Variants in ALG14 observed in about 807,000 individuals in gnomAD.
ALG14 encodes UDP-N-acetylglucosamine transferase subunit ALG14.
A neutral mutation model predicts 22.8 loss-of-function variants in ALG14; 17 were observed. That is an observed-to-expected ratio of 0.75 (90% CI 0.51 to 1.12). The LOEUF (loss-of-function observed/expected upper bound fraction) is 1.12, where lower values mean the gene tolerates loss of function less well. Ranked by LOEUF, ALG14 falls within the 50% of genes most tolerant of loss-of-function variation. The pLI, the probability that ALG14 is intolerant of heterozygous loss-of-function variation, is 0.00. For missense variants in ALG14, 288 were observed against 271.8 expected (o/e 1.06, Z -0.42); for synonymous variants, 89 against 103.7 (o/e 0.86, Z 0.86).
chr1:95,027,521 T>C (rs1673858285), intron 2 of ALG14, among the ~76,000 whole-genome samples: 2 of 152,208 alleles, frequency 1.3e-5, no homozygotes, highest in Admixed American at 1.3e-4. Context: ...TTCTATAAAC[T>C]ATGTTTCAGG....
At chr1:94,992,978 G>C (rs1230240665) in intron 3 of ALG14, among the ~76,000 whole-genome samples, 1 of 151,666 alleles carries the variant, frequency 6.6e-6, no homozygotes, top group Non-Finnish European at 1.5e-5. Context: ...TAAGGGTACT[G>C]TGTGGAACAA....
intron 2 of ALG14, among the ~76,000 whole-genome samples, chr1:95,043,043 T>C (rs1226330969): frequency 6.6e-6 from 1 of 152,226 alleles, no homozygotes; most frequent in East Asian, 1.9e-4. Flanking sequence ...AAAATTTTAA[T>C]AGCCAAGGGG....
intron 3 of ALG14, among the ~76,000 whole-genome samples, chr1:95,009,178 T>C (rs576371099): frequency 2.0e-5 from 3 of 151,796 alleles, no homozygotes; most frequent in East Asian, 1.9e-4. Flanking sequence ...AGGAGTAAAT[T>C]TGCTGGATCA....
At chr1:95,072,211 A>G (rs1430390288) in intron 1 of ALG14, among the ~76,000 whole-genome samples, 2 of 152,198 alleles carry the variant, frequency 1.3e-5, no homozygotes, top group East Asian at 3.8e-4. Context: ...ATGTGTATTT[A>G]AAATTGTAAG....
intron 3 of ALG14, 151 bp from the exon 4 acceptor site, chr1:94,983,457 A>T: frequency 1.5e-6 from 1 of 676,368 alleles, no homozygotes; most frequent in Non-Finnish European, 2.5e-6. Context: ...CAAACAGCGC[A>T]TGTTTAAGCC....
At chr1:95,070,984 G>T (rs142821484) in intron 1 of ALG14, among the ~76,000 whole-genome samples, 1 of 152,044 alleles carries the variant, frequency 6.6e-6, no homozygotes, top group South Asian at 2.1e-4. Flanking sequence ...CAAGCAATCC[G>T]CCTGTATCGG....
chr1:95,063,990 C>T (rs1209319548), intron 2 of ALG14, among the ~76,000 whole-genome samples: 2 of 151,972 alleles, frequency 1.3e-5, no homozygotes, highest in African/African-American at 4.8e-5. Context: ...TTGAAGAGGT[C>T]CTTCACTTCC....
At position 94,983,016 on chromosome 1, in the gene ALG14, C is replaced by T; in HGVS notation, c.*60G>A. Reference sequence around the variant, plus strand: ...AAGAAACATGTAGGGTTTTTTTCCCCCCAATTTGAGTACATACTACTGTTA... The same window carrying T: ...AAGAAACATGTAGGGTTTTTTTCCCTCCAATTTGAGTACATACTACTGTTA... On this transcript the variant is annotated 3_prime_UTR_variant, in exon 4 of 4. Coordinates refer to ENST00000370205, the MANE Select transcript of ALG14 (RefSeq NM_144988.4). The T allele has an allele frequency of 2.8e-6, 4 of 1,443,232 alleles. No homozygotes were observed. Among genetic ancestry groups the T allele is most frequent in the East Asian group, 2.3e-5 (1 of 43,908 alleles). 89.4% of individuals were successfully genotyped at this position (1,443,232 alleles called of 1,614,324 possible).
intron 2 of ALG14, among the ~76,000 whole-genome samples, chr1:95,055,535 AAGAG>A (rs201743892): frequency 6.6e-6 from 1 of 151,982 alleles, no homozygotes; most frequent in African/African-American, 2.4e-5. Flanking sequence ...CTAAACAATG[AAGAG>A]AGAGAGAGAT....
chr1:95,002,501 T>C (rs1571592632), intron 3 of ALG14, among the ~76,000 whole-genome samples: 1 of 151,852 alleles, frequency 6.6e-6, no homozygotes, highest in Admixed American at 6.6e-5. Flanking sequence ...ACAAAAAATA[T>C]AAAGGGGAGA....
intron 3 of ALG14, among the ~76,000 whole-genome samples, chr1:95,000,939 CATATTCTTTGTAAAG>C (rs1281143831): frequency 6.6e-6 from 1 of 152,236 alleles, no homozygotes; most frequent in East Asian, 1.9e-4. Context: ...AACACACACT[CATATTCTTTGTAAAG>C]AATTTGTAAT....
intron 2 of ALG14, among the ~76,000 whole-genome samples, chr1:95,053,112 C>T (rs60757816): frequency 0.046 from 7,018 of 152,170 alleles, 218 homozygotes; most frequent in South Asian, 0.087. Flanking sequence ...ATTCCCAGTT[C>T]TGAATTTTTA....
intron 2 of ALG14, among the ~76,000 whole-genome samples, chr1:95,063,303 C>T (rs957384067): frequency 6.6e-6 from 1 of 152,126 alleles, no homozygotes; most frequent in African/African-American, 2.4e-5. Flanking sequence ...TTAATTAGAT[C>T]ACATTTTTCA....
chr1:94,983,202 G>C lies in ALG14; in HGVS notation c.525C>G (p.Ile175Met). The C allele has an allele frequency of 6.2e-7, 1 of 1,614,140 alleles. No individual in the cohort carries two copies. The highest frequency in any genetic ancestry group is 8.5e-7 in the Non-Finnish European group (1 of 1,180,008). Residue 175 changes from isoleucine (I) to methionine (M), a missense_variant, in exon 4 of 4, where the codon ATC becomes ATG. Transcript: ENST00000370205. The part of the protein sequence containing the change: ...KKVIIVYVES[I>M]CRVETLSMSG... ...ACATGGATAACGTTTCTACACGGCAGATGCTTTCAACGTAGACAATGATCA... is the reference window on the plus strand; with the variant it reads ...ACATGGATAACGTTTCTACACGGCACATGCTTTCAACGTAGACAATGATCA...
At chr1:94,985,123 C>CT (rs1460623400) in intron 3 of ALG14, among the ~76,000 whole-genome samples, 8 of 151,148 alleles carry the variant, frequency 5.3e-5, no homozygotes, top group African/African-American at 1.2e-4. Flanking sequence ...CTTCAGGTCA[C>CT]TTTTTTTTTA....
intron 2 of ALG14, among the ~76,000 whole-genome samples, chr1:95,042,908 G>A (rs1674428262): frequency 1.3e-5 from 2 of 152,154 alleles, no homozygotes. Flanking sequence ...GCAACATCCA[G>A]TTTGGTTGTC....
In ALG14 at chr1:95,026,428, A is replaced by G. The variant is rs527654677; in HGVS notation, c.420+701T>C. On this transcript the variant is annotated intron_variant, in intron 3 of 3. Coordinates refer to ENST00000370205, the MANE Select transcript of ALG14 (RefSeq NM_144988.4). Reference sequence around the variant, plus strand: ...GGTTATTAATTGGCCTAATTTCAATATTGTTGTGTCTCATAGACAGGGAAG... The same window carrying G: ...GGTTATTAATTGGCCTAATTTCAATGTTGTTGTGTCTCATAGACAGGGAAG... Among the ~76,000 whole-genome samples, 3 of 151,400 alleles carry G rather than the reference A, an allele frequency of 2.0e-5. No homozygotes were observed. In the East Asian group the frequency reaches 5.8e-4, roughly 29 times the overall value.
intron 2 of ALG14, among the ~76,000 whole-genome samples, chr1:95,031,632 C>T (rs1002438189): frequency 6.6e-6 from 1 of 152,134 alleles, no homozygotes; most frequent in Non-Finnish European, 1.5e-5. Context: ...TCCTGACTAG[C>T]CTTTCTAAAA....
At chr1:95,050,338 G>A (rs1429945137) in intron 2 of ALG14, among the ~76,000 whole-genome samples, 1 of 152,208 alleles carries the variant, frequency 6.6e-6, no homozygotes, top group East Asian at 1.9e-4. Flanking sequence ...CACAATTATA[G>A]TGCATTATTT....
Sources: gnomAD v4.1 joint callset for allele counts (sites outside exome capture counted in the v4.1 genomes callset) on GRCh38, gnomAD v4.1.1 for gene constraint, MANE v1.5 for transcripts, NCBI Gene and HGNC (gene_info 2026-07-23, HGNC 2026-07-21) for gene names.